The following CWH43 variants were observed in gnomAD, a reference collection of about 807,000 sequenced individuals.
The protein encoded by CWH43 is PGAP2-interacting protein.
Under a neutral mutation model 85.7 loss-of-function variants are expected in CWH43, and 91 were observed. The ratio of observed to expected loss-of-function variants is 1.06; its 90% confidence interval spans 0.90 to 1.26. The LOEUF (loss-of-function observed/expected upper bound fraction) is 1.26, where lower values mean the gene tolerates loss of function less well. Among genes scored for constraint, CWH43 ranks in the 50% most tolerant of loss-of-function variants. CWH43 has a pLI of 0.00. For missense variants in CWH43, 869 were observed against 839.2 expected (o/e 1.04, Z -0.44); for synonymous variants, 323 against 293.6 (o/e 1.10, Z -1.02).
In CWH43 at chr4:49,030,967, A is replaced by G; in HGVS notation, c.1508+7A>G. 2 of 1,573,578 alleles carry G rather than the reference A, an allele frequency of 1.3e-6. No individual in the cohort carries two copies. The highest frequency in any genetic ancestry group is 1.7e-6 in the Non-Finnish European group (2 of 1,166,012). On this transcript the variant is annotated splice_region_variant and intron_variant, in intron 11 of 15. Transcript: ENST00000226432. ...CAAGGTATCACACTTGGGGGTGAGT[A>G]TACCTTGGGAGTTAATCCCGAAGAT...
chr4:48,993,569 G>A (rs560418622), intron 4 of CWH43, among the ~76,000 whole-genome samples: 14 of 152,310 alleles, frequency 9.2e-5, no homozygotes, highest in African/African-American at 3.1e-4. Context: ...CTGTTTCTAC[G>A]AAGAAGTCCT....
chr4:49,030,993 A>G (rs771234524), intron 11 of CWH43, 33 bp downstream of exon 11: 2 of 1,541,436 alleles, frequency 1.3e-6, no homozygotes, highest in Non-Finnish European at 1.7e-6. Context: ...TCCCGAAGAT[A>G]GTCATGAAAG....
chr4:49,032,542 A>G, intron 11 of CWH43, 24 bp from the exon 12 acceptor site: 1 of 1,613,136 alleles, frequency 6.2e-7, no homozygotes, highest in Non-Finnish European at 8.5e-7. Context: ...AATGATGCCC[A>G]TGTCTCTTTT....
In CWH43 at chr4:49,049,984, A is replaced by G. The variant is rs144165577; in HGVS notation, c.1866-710A>G. ...GGGCAAGGACTTCATTTTATTCACGACTTATTCCCCAACACCCAGAACAGT... is the reference window on the plus strand; with the variant it reads ...GGGCAAGGACTTCATTTTATTCACGGCTTATTCCCCAACACCCAGAACAGT... On this transcript the variant is annotated intron_variant, in intron 14 of 15. Coordinates refer to ENST00000226432, the MANE Select transcript of CWH43 (RefSeq NM_025087.3). Among the ~76,000 whole-genome samples, 153 of 152,312 alleles carry G rather than the reference A, an allele frequency of 1.0e-3. 1 individual carries two copies. In the East Asian group the frequency reaches 0.018, roughly 18 times the overall value.
chr4:48,998,403 TC>T, intron 5 of CWH43, 56 bp from the exon 6 acceptor site: 2 of 1,302,822 alleles, frequency 1.5e-6, no homozygotes, highest in Non-Finnish European at 2.2e-6. Flanking sequence ...TATTTTATAT[TC>T]GGGATGATGA....
chr4:49,016,688 T>C (rs1434389252), intron 8 of CWH43: 1 of 767,416 alleles, frequency 1.3e-6, no homozygotes, highest in Non-Finnish European at 2.4e-6. Context: ...GGCTGCTTAG[T>C]CCATTCACCT....
At chr4:48,997,874 T>C (rs1288892741) in intron 5 of CWH43, among the ~76,000 whole-genome samples, 1 of 152,240 alleles carries the variant, frequency 6.6e-6, no homozygotes, top group African/African-American at 2.4e-5. Flanking sequence ...TGACAGCTAC[T>C]TAAATGAGTC....
Position 49,039,320 on chromosome 4 carries a change from T to TACTG in CWH43, c.1803+1141_1803+1142insCTGA, listed in dbSNP as rs1553916933. On this transcript the variant is annotated intron_variant, in intron 13 of 15. Coordinates refer to ENST00000226432, the MANE Select transcript of CWH43 (RefSeq NM_025087.3). ...CTCAGGAGACTGATATATATATATA[T>TACTG]ATATATATATATACTGATGTATATA... Among the ~76,000 whole-genome samples the TACTG allele has an allele frequency of 4.3e-4, 13 of 30,236 alleles. 3 individuals carry two copies. Among genetic ancestry groups the TACTG allele is most frequent in the Admixed American group, 8.9e-4 (1 of 1,124 alleles). The allele number at this position is 30,236 out of a possible 152,430, so 19.8% of individuals were successfully genotyped here. A position where few individuals can be genotyped will look rare whatever the true frequency, so the allele number is the denominator to read the frequency against.
At position 49,050,821 on chromosome 4, in the gene CWH43, G is replaced by A. The variant is rs1365653229; in HGVS notation, c.1993G>A (p.Val665Ile). Residue 665 changes from valine to isoleucine, a missense_variant, in exon 15 of 16, where the codon GTT becomes ATT. Coordinates refer to ENST00000226432, the MANE Select transcript of CWH43 (RefSeq NM_025087.3). ...GAAAGTGGTCATAGACCACAGAGAA[G>A]TTTCTGAGAAAATTCATTTTAATCC... is the stretch of plus-strand genomic sequence containing the variant. ...NQKVVIDHRE[V>I]SEKIHFNPRF... 6 of 1,612,100 alleles carry A rather than the reference G, an allele frequency of 3.7e-6. No individual in the cohort carries two copies. In the African/African-American group the frequency reaches 8.0e-5, roughly 22 times the overall value.
chr4:49,009,522 A>G (rs1783281643), intron 8 of CWH43, among the ~76,000 whole-genome samples: 2 of 152,058 alleles, frequency 1.3e-5, no homozygotes. Flanking sequence ...GTTGAATAGG[A>G]GTGGTGAGAG....
chr4:48,996,188 C>A (rs1373017464), intron 5 of CWH43, among the ~76,000 whole-genome samples: 3 of 152,154 alleles, frequency 2.0e-5, no homozygotes, highest in Non-Finnish European at 4.4e-5. Flanking sequence ...AAACCCAGCA[C>A]AAACATTTTC....
At chr4:48,993,149 C>T (rs1782708898) in intron 4 of CWH43, among the ~76,000 whole-genome samples, 1 of 152,136 alleles carries the variant, frequency 6.6e-6, no homozygotes, top group South Asian at 2.1e-4. Flanking sequence ...TGCTCTGTGC[C>T]TTCCTTTATA....
rs1212350159 is a variant in CWH43 at position 48,992,067 on chromosome 4, C to A, written c.488C>A (p.Ala163Asp). The part of the protein sequence containing the change: ...NKVILTLSAI[A>D]TLDRIGTDGD... ...GTGATACTGACATTAAGTGCCATAG[C>A]CACACTTGATCGTATTGGCACAGGT... Residue 163 changes from alanine to aspartate, a missense_variant, in exon 4 of 16, where the codon GCC (alanine) becomes GAC (aspartate). Physicochemically the swap from Ala to Asp is moderately radical, Grantham distance 126. Around this residue, in one of 3 missense-constraint regions of CWH43, gnomAD observed 152 missense variants for 203.6 expected, o/e 0.75. Coordinates refer to ENST00000226432, the MANE Select transcript of CWH43 (RefSeq NM_025087.3). This position sits in a 1 kb window ranked among gnomAD's most constrained non-coding sequence, Gnocchi z 4.3. 1 of 1,613,946 alleles carries A rather than the reference C, an allele frequency of 6.2e-7. No homozygotes were observed. Among genetic ancestry groups the A allele is most frequent in the Non-Finnish European group, 8.5e-7 (1 of 1,179,892 alleles).
chr4:49,004,766 G>A (rs1332212689), intron 7 of CWH43, among the ~76,000 whole-genome samples: 1 of 152,042 alleles, frequency 6.6e-6, no homozygotes, highest in South Asian at 2.1e-4. Flanking sequence ...CCAAGTCATA[G>A]AACAAATATA....
intron 1 of CWH43, 80 bp downstream of exon 1, chr4:48,986,552 T>G: frequency 1.3e-6 from 2 of 1,542,440 alleles, no homozygotes; most frequent in South Asian, 1.2e-5. Context: ...CAGGCCAGGT[T>G]GGCTGAGTTC....
At chr4:49,049,489 C>T (rs1325019278) in intron 14 of CWH43, among the ~76,000 whole-genome samples, 1 of 151,822 alleles carries the variant, frequency 6.6e-6, no homozygotes, top group Non-Finnish European at 1.5e-5. Flanking sequence ...ACCTCTGCTT[C>T]AAACCCCTCT....
At chr4:48,989,567 G>C (rs552743425) in intron 2 of CWH43, among the ~76,000 whole-genome samples, 22 of 152,320 alleles carry the variant, frequency 1.4e-4, no homozygotes, top group African/African-American at 5.3e-4. Context: ...GAGTTCTGTG[G>C]ATCCCCACAA....
rs781562748 is a variant in CWH43, at chr4:48,994,668, G to A, written c.561G>A (p.Thr187=). The change falls in exon 5 of 16, where the codon ACG becomes ACA. Residue 187 remains threonine (T), a synonymous_variant. Coordinates refer to ENST00000226432, the MANE Select transcript of CWH43 (RefSeq NM_025087.3). The stretch of plus-strand genomic sequence containing the variant: ...AAAAGAAGACTGGTGAGGTAGCCAC[G>A]GGGATGGCCTCTAGACCCAACTGGC... ...PEEKKTGEVA[T]GMASRPNWLL... 17 of 1,614,066 alleles carry A rather than the reference G, an allele frequency of 1.1e-5. No individual in the cohort carries two copies. The highest frequency in any genetic ancestry group is 6.7e-5 in the East Asian group (3 of 44,904).
intron 12 of CWH43, among the ~76,000 whole-genome samples, chr4:49,037,569 CAA>C (rs5858140): frequency 2.8e-5 from 4 of 142,318 alleles, no homozygotes; most frequent in Admixed American, 6.9e-5. Context: ...GACTCTGTCT[CAA>C]AAAAAAAAAA....
Sources: allele counts gnomAD v4.1 joint callset (sites outside exome capture counted in the v4.1 genomes callset), GRCh38; gene constraint gnomAD v4.1.1; regional missense constraint gnomAD v4.1.1; non-coding constraint Gnocchi (gnomAD v3.1); transcripts MANE v1.5; gene names NCBI Gene and HGNC (gene_info 2026-07-23, HGNC 2026-07-21).